ST3GAL4: variants seen among roughly 807,000 people sequenced by gnomAD.
The protein encoded by ST3GAL4 is ST3 beta-galactoside alpha-2,3-sialyltransferase 4, also known as CMP-N-acetylneuraminate-beta-galactosamide-alpha-2,3-sialyltransferase 4.
In ST3GAL4, 24 loss-of-function variants were observed where a neutral mutation model predicts 42.6. The observed-to-expected ratio is 0.56, with a 90% CI of 0.41 to 0.79. The LOEUF (loss-of-function observed/expected upper bound fraction) is 0.79. Ranked by LOEUF, ST3GAL4 falls within the 30% of genes least tolerant of loss-of-function variation. The probability of loss-of-function intolerance (pLI) is 0.00; values close to 1 mark genes in which losing one functional copy is unlikely to be tolerated. For synonymous variants in ST3GAL4, 135 were observed against 163.2 expected (o/e 0.83, Z 1.32); for missense variants, 311 against 430.8 (o/e 0.72, Z 2.46).
At chr11:126,408,229 G>T in intron 7 of ST3GAL4, 35 bp downstream of exon 7, 2 of 1,613,202 alleles carry the variant, frequency 1.2e-6, no homozygotes, top group South Asian at 2.2e-5. Flanking sequence ...TGTTGTTTGG[G>T]AACTGGATGT....
Position 126,391,655 on chromosome 11 carries a change from CA to C in ST3GAL4, c.-60-14439del, listed in dbSNP as rs1359857290. On this transcript the variant is annotated intron_variant, in intron 1 of 10. Transcript: ENST00000444328. This position sits in a 1 kb window ranked among gnomAD's most constrained non-coding sequence, Gnocchi z 5.5. ...CCTCTCCTTGCCTCCCTGGCTGCTACAAGGTCCTGTGTAGCATCTGGTGTGG... is the reference window on the plus strand; with the variant it reads ...CCTCTCCTTGCCTCCCTGGCTGCTACAGGTCCTGTGTAGCATCTGGTGTGG... 6.6e-6 allele frequency among the ~76,000 whole-genome samples: 1 copy of C among 152,070 alleles called. No homozygotes were observed. Among genetic ancestry groups the C allele is most frequent in the South Asian group, 2.1e-4 (1 of 4,808 alleles).
rs566008914 is a variant in ST3GAL4 at position 126,366,452 on chromosome 11, A to C, written c.-61+10610A>C. Among the ~76,000 whole-genome samples the C allele has an allele frequency of 1.3e-5, 2 of 151,944 alleles. No individual in the cohort carries two copies. Among genetic ancestry groups the C allele is most frequent in the African/African-American group, 2.4e-5 (1 of 41,402 alleles). On this transcript the variant is annotated intron_variant, in intron 1 of 10. Transcript: ENST00000444328. This position sits in a 1 kb window ranked among gnomAD's most constrained non-coding sequence, Gnocchi z 4.2. ...TTCCCGGGTGTCTGAGTAGGGACCA[A>C]TGTGTTTGTGCTGGAGAAGCCTGTG...
At position 126,366,957 on chromosome 11, in the gene ST3GAL4, T is replaced by C. The variant is rs1326670149; in HGVS notation, c.-61+11115T>C. 6.6e-6 allele frequency among the ~76,000 whole-genome samples: 1 copy of C among 152,036 alleles called. No individual in the cohort carries two copies. Among genetic ancestry groups the C allele is most frequent in the East Asian group, 1.9e-4 (1 of 5,190 alleles). On this transcript the variant is annotated intron_variant, in intron 1 of 10. Coordinates refer to ENST00000444328, the MANE Select transcript of ST3GAL4 (RefSeq NM_001254757.2). This position sits in a 1 kb window ranked among gnomAD's most constrained non-coding sequence, Gnocchi z 4.2. The stretch of plus-strand genomic sequence containing the variant: ...GAACGTTGCCTTTGCTGTCCCTGCT[T>C]GGGGATTTTGGGGTACTGGGTTTGG...
Position 126,414,036 on chromosome 11 carries a change from A to G in ST3GAL4, c.991A>G (p.Thr331Ala). 6.2e-7 allele frequency: 1 copy of G among 1,614,164 alleles called. No individual in the cohort carries two copies. Among genetic ancestry groups the G allele is most frequent in the Non-Finnish European group, 8.5e-7 (1 of 1,180,002 alleles). ...GGAGATGGGAGCTATCAAGAACCTC[A>G]CGTCCTTCTGACCTGGGCAAGAGCT... is the stretch of plus-strand genomic sequence containing the variant. ...MLEMGAIKNL[T>A]SF Residue 331 changes from threonine (T) to alanine (A), a missense_variant, in exon 11 of 11, where the codon ACG (threonine) becomes GCG (alanine). Transcript: ENST00000444328.
At chr11:126,357,082 A>G (rs1003075136) in intron 1 of ST3GAL4, among the ~76,000 whole-genome samples, 1 of 152,238 alleles carries the variant, frequency 6.6e-6, no homozygotes, top group Non-Finnish European at 1.5e-5. Flanking sequence ...CGATAATTCT[A>G]GAGTGGGTTC....
In ST3GAL4 at chr11:126,368,144, C is replaced by T. The variant is rs1235621843; in HGVS notation, c.-61+12302C>T. On this transcript the variant is annotated intron_variant, in intron 1 of 10. Transcript: ENST00000444328. Reference sequence around the variant, plus strand: ...TCTGGACCACAGAGTGAGACTGTCTCACAAAAAAAAAAAAAAAGATTATGC... The same window carrying T: ...TCTGGACCACAGAGTGAGACTGTCTTACAAAAAAAAAAAAAAAGATTATGC... Among the ~76,000 whole-genome samples, 287 of 130,008 alleles carry T rather than the reference C, an allele frequency of 2.2e-3. 3 individuals carry two copies. The highest frequency in any genetic ancestry group is 2.9e-4 in the Non-Finnish European group (18 of 62,108). 85.3% of individuals were successfully genotyped at this position (130,008 alleles called of 152,430 possible).
At chr11:126,361,612 C>G (rs1011047634) in intron 1 of ST3GAL4, among the ~76,000 whole-genome samples, 6 of 152,100 alleles carry the variant, frequency 3.9e-5, no homozygotes, top group East Asian at 1.9e-4. Flanking sequence ...CCTTCCTCCC[C>G]CTGCGTTCTC....
At chr11:126,367,066 G>A (rs957993792) in intron 1 of ST3GAL4, among the ~76,000 whole-genome samples, 3 of 152,130 alleles carry the variant, frequency 2.0e-5, no homozygotes, top group Admixed American at 1.3e-4. Context: ...AGGGGGCACC[G>A]TGGTGGAGAT....
In ST3GAL4 at chr11:126,391,867, A is replaced by G. The variant is rs1216695925; in HGVS notation, c.-60-14229A>G. Among the ~76,000 whole-genome samples the G allele has an allele frequency of 2.0e-5, 3 of 151,978 alleles. No homozygotes were observed. The highest frequency in any genetic ancestry group is 6.6e-5 in the Admixed American group (1 of 15,262). ...AGAGTTCTTGCTCTGTGTTTGGCCC[A>G]TACCTAATGTTGTGAAGTGGAAATA... On this transcript the variant is annotated intron_variant, in intron 1 of 10. Coordinates refer to ENST00000444328, the MANE Select transcript of ST3GAL4 (RefSeq NM_001254757.2). This position sits in a 1 kb window ranked among gnomAD's most constrained non-coding sequence, Gnocchi z 5.5.
chr11:126,368,664 A>G (rs369383937), intron 1 of ST3GAL4, among the ~76,000 whole-genome samples: 18 of 152,300 alleles, frequency 1.2e-4, no homozygotes, highest in East Asian at 1.2e-3. Context: ...AGCCAGCTCT[A>G]CAGAAGCCAC....
intron 10 of ST3GAL4, 127 bp downstream of exon 10, chr11:126,413,775 G>A (rs568881060): frequency 1.4e-6 from 2 of 1,461,190 alleles, no homozygotes; most frequent in Non-Finnish European, 1.9e-6. Flanking sequence ...TGGAACCGAG[G>A]CACCTGGACT....
rs1329683971 is a variant in ST3GAL4 at position 126,398,402 on chromosome 11, C to G, written c.-60-7694C>G. Among the ~76,000 whole-genome samples the G allele has an allele frequency of 6.6e-6, 1 of 152,240 alleles. No homozygotes were observed. Among genetic ancestry groups the G allele is most frequent in the African/African-American group, 2.4e-5 (1 of 41,466 alleles). ...CCTTCCAGACACACTCGGGTAGGGA[C>G]TTGGGCCCCCAAGGCCTCCGGCAGC... On this transcript the variant is annotated intron_variant, in intron 1 of 10. Coordinates refer to ENST00000444328, the MANE Select transcript of ST3GAL4 (RefSeq NM_001254757.2). This position sits in a 1 kb window ranked among gnomAD's most constrained non-coding sequence, Gnocchi z 4.7.
rs1952839607 is a variant in ST3GAL4 at position 126,376,580 on chromosome 11, G to A, written c.-61+20738G>A. ...GAAGCATTTACCATAAATAACCCCA[G>A]TTAAGATTTGATTATGCTGTCTTTT... On this transcript the variant is annotated intron_variant, in intron 1 of 10. Transcript: ENST00000444328. The surrounding 1 kb of genome is among the most constrained non-coding windows in gnomAD (Gnocchi z 5.1). Among the ~76,000 whole-genome samples the A allele has an allele frequency of 6.6e-6, 1 of 152,212 alleles. No individual in the cohort carries two copies. Among genetic ancestry groups the A allele is most frequent in the Non-Finnish European group, 1.5e-5 (1 of 68,040 alleles).
Position 126,406,829 on chromosome 11 carries a change from A to G in ST3GAL4, c.102-114A>G. 1 of 1,065,320 alleles carries G rather than the reference A, an allele frequency of 9.4e-7. No homozygotes were observed. The allele number at this position is 1,065,320 out of a possible 1,614,324, so 66.0% of individuals were successfully genotyped here. ...TCCAAGTGGAACTTAACTTGAGATG[A>G]TTCCTCCCCGGCACCTTGGGACCTT... On this transcript the variant is annotated intron_variant, in intron 3 of 10. Coordinates refer to ENST00000444328, the MANE Select transcript of ST3GAL4 (RefSeq NM_001254757.2). This position sits in a 1 kb window ranked among gnomAD's most constrained non-coding sequence, Gnocchi z 5.4.
intron 1 of ST3GAL4, among the ~76,000 whole-genome samples, chr11:126,381,836 C>A (rs1318360127): frequency 1.3e-5 from 2 of 151,384 alleles, no homozygotes; most frequent in Non-Finnish European, 2.9e-5. Flanking sequence ...CCATTTCCTC[C>A]CTCACTCCTG....
At position 126,406,059 on chromosome 11, in the gene ST3GAL4, T is replaced by TAA. The variant is rs1334796768; in HGVS notation, c.-60-37_-60-36insAA. ...TCCAGTGTCTAGGCAGGAGAGTTTGTGAAGCTGACCGGACACCTGTGGCTC... is the reference window on the plus strand; with the variant it reads ...TCCAGTGTCTAGGCAGGAGAGTTTGTAAGAAGCTGACCGGACACCTGTGGCTC... On this transcript the variant is annotated intron_variant, in intron 1 of 10. Coordinates refer to ENST00000444328, the MANE Select transcript of ST3GAL4 (RefSeq NM_001254757.2). This position sits in a 1 kb window ranked among gnomAD's most constrained non-coding sequence, Gnocchi z 5.4. The TAA allele has an allele frequency of 3.9e-6, 6 of 1,550,700 alleles. No homozygotes were observed. In the Admixed American group the frequency reaches 1.2e-4, roughly 30 times the overall value.
chr11:126,378,040 A>G lies in ST3GAL4; in HGVS notation c.-61+22198A>G, dbSNP rs1952883943. ...TTCGTAAGACTGTGTCTGGGATATT[A>G]TGATTCTCTTTTGTGAGGGGTCACT... is the stretch of plus-strand genomic sequence containing the variant. On this transcript the variant is annotated intron_variant, in intron 1 of 10. Coordinates refer to ENST00000444328, the MANE Select transcript of ST3GAL4 (RefSeq NM_001254757.2). The surrounding 1 kb of genome is among the most constrained non-coding windows in gnomAD (Gnocchi z 5.3). Among the ~76,000 whole-genome samples, 1 of 152,186 alleles carries G rather than the reference A, an allele frequency of 6.6e-6. No homozygotes were observed. The highest frequency in any genetic ancestry group is 6.5e-5 in the Admixed American group (1 of 15,282).
In ST3GAL4 at chr11:126,378,523, C is replaced by T. The variant is rs976179218; in HGVS notation, c.-61+22681C>T. ...TCCCGGGTTCATGCGATTCTCCTGC[C>T]TCAGCCTCCCAAGTAGCTGGGACTA... is the stretch of plus-strand genomic sequence containing the variant. On this transcript the variant is annotated intron_variant, in intron 1 of 10. Transcript: ENST00000444328. This position sits in a 1 kb window ranked among gnomAD's most constrained non-coding sequence, Gnocchi z 5.3. Among the ~76,000 whole-genome samples, 1 of 152,158 alleles carries T rather than the reference C, an allele frequency of 6.6e-6. No homozygotes were observed. Among genetic ancestry groups the T allele is most frequent in the African/African-American group, 2.4e-5 (1 of 41,450 alleles).
chr11:126,375,773 C>T (rs892005614), intron 1 of ST3GAL4, among the ~76,000 whole-genome samples: 8 of 151,888 alleles, frequency 5.3e-5, no homozygotes, highest in African/African-American at 1.2e-4. Context: ...TGCTGCTAAG[C>T]GTCCCACAAT....
Sources: allele counts gnomAD v4.1 joint callset (sites outside exome capture counted in the v4.1 genomes callset), GRCh38; gene constraint gnomAD v4.1.1; non-coding constraint Gnocchi (gnomAD v3.1); transcripts MANE v1.5; gene names NCBI Gene and HGNC (gene_info 2026-07-23, HGNC 2026-07-21).